Variants in DHRS1 observed in about 807,000 individuals in gnomAD.
DHRS1 encodes dehydrogenase/reductase 1.
DHRS1 carries 34 observed loss-of-function variants against 35.2 expected under a neutral mutation model. That is an observed-to-expected ratio of 0.97 (90% CI 0.74 to 1.29). The LOEUF is 1.29. Ranked by LOEUF, DHRS1 falls within the 50% of genes most tolerant of loss-of-function variation. DHRS1 has a pLI of 0.00. For missense variants in DHRS1, 354 were observed against 403.6 expected (o/e 0.88, Z 1.05); for synonymous variants, 133 against 160.0 (o/e 0.83, Z 1.27).
Position 24,299,658 on chromosome 14 carries a change from G to A in DHRS1, c.-102C>T, listed in dbSNP as rs2041328622. The A allele has an allele frequency of 2.8e-6, 1 of 354,310 alleles. No homozygotes were observed. The highest frequency in any genetic ancestry group is 4.3e-5 in the Admixed American group (1 of 23,134). 21.9% of individuals were successfully genotyped at this position (354,310 alleles called of 1,614,324 possible). Reference sequence around the variant, plus strand: ...TCTGGGTTCTCGCCCAGATTGAGCCGGCGACGTGGAGGCAGTGTTCAAGGA... The same window carrying A: ...TCTGGGTTCTCGCCCAGATTGAGCCAGCGACGTGGAGGCAGTGTTCAAGGA... On this transcript the variant is annotated 5_prime_UTR_variant, in exon 1 of 9. Transcript: ENST00000288111.
At chr14:24,297,386 C>A (rs1395288444) in intron 2 of DHRS1, among the ~76,000 whole-genome samples, 1 of 152,210 alleles carries the variant, frequency 6.6e-6, no homozygotes, top group Non-Finnish European at 1.5e-5. Context: ...TTTCTACTTC[C>A]TGTTCTGTCT....
intron 2 of DHRS1, 200 bp downstream of exon 2, chr14:24,298,757 T>G: frequency 1.5e-6 from 1 of 678,302 alleles, no homozygotes; most frequent in Admixed American, 3.5e-5. Context: ...AACACAAAGT[T>G]TTTTCATAAA....
At chr14:24,296,942 T>C (rs1214504249) in intron 2 of DHRS1, 61 bp from the exon 3 acceptor site, 2 of 1,606,666 alleles carry the variant, frequency 1.2e-6, no homozygotes, top group East Asian at 4.5e-5. Flanking sequence ...ATGACAAAAC[T>C]CCCCAACCAA....
chr14:24,290,857 G>A lies in DHRS1; in HGVS notation c.*2C>T. The A allele has an allele frequency of 6.2e-7, 1 of 1,613,696 alleles. No homozygotes were observed. On this transcript the variant is annotated 3_prime_UTR_variant, in exon 9 of 9. Coordinates refer to ENST00000288111, the MANE Select transcript of DHRS1 (RefSeq NM_001136050.3). ...CAGAGACGTAGTGTCAGACCAGGAG[G>A]GTTAGAACTTGCTAGTGTAGAGGGC...
intron 2 of DHRS1, 31 bp downstream of exon 2, chr14:24,298,926 C>T (rs2041312990): frequency 2.5e-6 from 4 of 1,583,420 alleles, no homozygotes; most frequent in South Asian, 2.2e-5. Context: ...CGGGTGGTTT[C>T]TGCAACTGTG....
rs2139110052 is a variant in DHRS1 at position 24,299,609 on chromosome 14, C to T, written c.-53G>A. On this transcript the variant is annotated 5_prime_UTR_variant, in exon 1 of 9. Transcript: ENST00000288111. ...CCACCTGCGCTGCCGCTGAGGTCTG[C>T]AGATTGCGGGGCTGCGGTGGAAGTC... The T allele has an allele frequency of 1.1e-5, 3 of 281,146 alleles. No individual in the cohort carries two copies. The highest frequency in any genetic ancestry group is 1.3e-4 in the East Asian group (2 of 15,604). 17.4% of individuals were successfully genotyped at this position (281,146 alleles called of 1,614,324 possible).
chr14:24,292,415 C>T, intron 5 of DHRS1, 85 bp from the exon 6 acceptor site: 6 of 1,572,394 alleles, frequency 3.8e-6, no homozygotes, highest in Middle Eastern at 2.1e-4. Context: ...TGTGAATGCT[C>T]CACCCACCCT....
chr14:24,292,878 G>A, intron 4 of DHRS1, 94 bp from the exon 5 acceptor site: 3 of 1,472,796 alleles, frequency 2.0e-6, no homozygotes, highest in African/African-American at 2.8e-5. Context: ...TCTGGTGGTT[G>A]TTGTCCACTA....
intron 4 of DHRS1, among the ~76,000 whole-genome samples, chr14:24,295,749 T>G (rs2041238846): frequency 6.6e-6 from 1 of 152,188 alleles, no homozygotes; most frequent in Non-Finnish European, 1.5e-5. Context: ...TTCCTTCCAC[T>G]TTGGAAATCA....
At chr14:24,296,009 G>A (rs1250785264) in intron 4 of DHRS1, among the ~76,000 whole-genome samples, 2 of 152,112 alleles carry the variant, frequency 1.3e-5, no homozygotes, top group Non-Finnish European at 2.9e-5. Context: ...CTCACTCCTG[G>A]GCTAAATGAC....
intron 8 of DHRS1, 65 bp from the exon 9 acceptor site, chr14:24,291,060 G>C (rs1458297814): frequency 2.5e-6 from 4 of 1,613,052 alleles, no homozygotes; most frequent in Non-Finnish European, 3.4e-6. Context: ...CCTCACCTTG[G>C]CTGGAGAGAC....
intron 4 of DHRS1, among the ~76,000 whole-genome samples, chr14:24,295,448 G>A (rs1290164055): frequency 1.3e-5 from 2 of 152,234 alleles, no homozygotes; most frequent in Non-Finnish European, 2.9e-5. Context: ...AGGTAATACA[G>A]AGGAAAGGCA....
intron 4 of DHRS1, among the ~76,000 whole-genome samples, chr14:24,295,157 T>C (rs1046516338): frequency 1.3e-5 from 2 of 152,156 alleles, no homozygotes; most frequent in African/African-American, 4.8e-5. Context: ...ATCCTCCCAA[T>C]AGAATACGTA....
Position 24,299,670 on chromosome 14 carries a change from G to A in DHRS1, c.-114C>T. 1 of 380,762 alleles carries A rather than the reference G, an allele frequency of 2.6e-6. No homozygotes were observed. Among genetic ancestry groups the A allele is most frequent in the East Asian group, 4.0e-5 (1 of 25,184 alleles). 23.6% of individuals were successfully genotyped at this position (380,762 alleles called of 1,614,324 possible). A position where few individuals can be genotyped will look rare whatever the true frequency, so the allele number is the denominator to read the frequency against. ...CCCAGATTGAGCCGGCGACGTGGAG[G>A]CAGTGTTCAAGGATTGATTCTGTAG... On this transcript the variant is annotated 5_prime_UTR_variant, in exon 1 of 9. Transcript: ENST00000288111.
At chr14:24,292,376 C>T (rs371638066) in intron 5 of DHRS1, 46 bp from the exon 6 acceptor site, 2 of 1,608,982 alleles carry the variant, frequency 1.2e-6, no homozygotes, top group African/African-American at 1.3e-5. Flanking sequence ...AGCCATGTCA[C>T]TTTCCTGCCC....
At chr14:24,297,256 C>A (rs1361701489) in intron 2 of DHRS1, among the ~76,000 whole-genome samples, 1 of 152,140 alleles carries the variant, frequency 6.6e-6, no homozygotes, top group Admixed American at 6.5e-5. Context: ...CTCTCATGCC[C>A]TTAGCTCCCA....
chr14:24,296,690 G>C (rs771369651), intron 3 of DHRS1, 48 bp downstream of exon 3: 4 of 1,614,046 alleles, frequency 2.5e-6, no homozygotes, highest in Non-Finnish European at 3.4e-6. Flanking sequence ...GCAGGGGTCT[G>C]AGGGGGAGGT....
chr14:24,297,908 C>A (rs931410185), intron 2 of DHRS1, among the ~76,000 whole-genome samples: 22 of 152,226 alleles, frequency 1.4e-4, no homozygotes, highest in African/African-American at 4.8e-4. Flanking sequence ...CCTAGCCACT[C>A]TCCTATGTCA....
chr14:24,291,352 T>C (rs2041154901), intron 7 of DHRS1, 133 bp from the exon 8 acceptor site: 1 of 1,139,492 alleles, frequency 8.8e-7, no homozygotes, highest in Non-Finnish European at 1.3e-6. Flanking sequence ...CTCTTGGGCC[T>C]TGGACTTTTT....
Sources: allele counts gnomAD v4.1 joint callset (sites outside exome capture counted in the v4.1 genomes callset), GRCh38; gene constraint gnomAD v4.1.1; transcripts MANE v1.5; gene names NCBI Gene and HGNC (gene_info 2026-07-23, HGNC 2026-07-21).